CPQ: variants seen among roughly 807,000 people sequenced by gnomAD.
The protein encoded by CPQ is Ser-Met dipeptidase.
In CPQ, 37 loss-of-function variants were observed where a neutral mutation model predicts 45.7. That is an observed-to-expected ratio of 0.81 (90% confidence interval 0.62 to 1.07). CPQ has a LOEUF of 1.07. Among genes scored for constraint, CPQ ranks in the 50% least tolerant of loss-of-function variants. The probability of loss-of-function intolerance (pLI) is 0.00; values close to 1 mark genes in which losing one functional copy is unlikely to be tolerated. For missense variants in CPQ, 537 were observed against 572.9 expected, an observed-to-expected ratio of 0.94 and a Z score of 0.64; for synonymous variants, 186 against 205.8, an observed-to-expected ratio of 0.90 and a Z score of 0.82.
intron 1 of CPQ, among the ~76,000 whole-genome samples, chr8:96,768,763 A>G (rs1180565289): frequency 6.6e-6 from 1 of 152,204 alleles, no homozygotes; most frequent in Non-Finnish European, 1.5e-5. Flanking sequence ...TGTAACAAGA[A>G]CTGTATTTGC....
chr8:96,757,290 G>T (rs1586388659), intron 1 of CPQ, among the ~76,000 whole-genome samples: 1 of 151,442 alleles, frequency 6.6e-6, no homozygotes, highest in African/African-American at 2.4e-5. Flanking sequence ...GGCAGAGGTT[G>T]CAGTGAGCCG....
intron 7 of CPQ, 143 bp downstream of exon 7, chr8:97,066,353 G>T: frequency 1.4e-6 from 1 of 705,776 alleles, no homozygotes; most frequent in Non-Finnish European, 2.3e-6. Flanking sequence ...ATAATCTGAT[G>T]ATTTCTAAAA....
rs1175704427 is a variant in CPQ at position 96,908,156 on chromosome 8, G to GGA, written c.849+28160_849+28161dup. Among the ~76,000 whole-genome samples the GGA allele has an allele frequency of 4.0e-5, 6 of 151,204 alleles. No individual in the cohort carries two copies. The Middle Eastern group carries it at 0.014, about 343-fold the overall frequency. ...TGTGTGTGTGTGTCTGTGTGTGTGA[G>GGA]GAGAGAGAGACGAGAGAGAGAGGAG... On this transcript the variant is annotated intron_variant, in intron 4 of 7. Coordinates refer to ENST00000220763, the MANE Select transcript of CPQ (RefSeq NM_016134.4).
At chr8:97,114,500 A>G (rs1009721668) in intron 7 of CPQ, among the ~76,000 whole-genome samples, 4 of 152,130 alleles carry the variant, frequency 2.6e-5, no homozygotes, top group African/African-American at 9.7e-5. Flanking sequence ...GGTGTTCAGT[A>G]TTTTTTTATT....
At chr8:97,004,336 C>T (rs1018827149) in intron 5 of CPQ, among the ~76,000 whole-genome samples, 5 of 147,236 alleles carry the variant, frequency 3.4e-5, no homozygotes, top group African/African-American at 1.2e-4. Context: ...TAATTCAATT[C>T]AAAACACTGA....
At chr8:96,870,201 A>T (rs894625249) in intron 3 of CPQ, among the ~76,000 whole-genome samples, 1 of 152,002 alleles carries the variant, frequency 6.6e-6, no homozygotes, top group African/African-American at 2.4e-5. Context: ...GAATATAAAG[A>T]TTAAAAGGTG....
At chr8:96,723,524 T>C (rs1460353862) in intron 1 of CPQ, among the ~76,000 whole-genome samples, 2 of 152,202 alleles carry the variant, frequency 1.3e-5, no homozygotes, top group African/African-American at 2.4e-5. Flanking sequence ...CTATTGTGTC[T>C]GAAGAAGGCT....
chr8:97,039,368 C>T (rs1283342962), intron 6 of CPQ, among the ~76,000 whole-genome samples: 1 of 152,038 alleles, frequency 6.6e-6, no homozygotes, highest in Non-Finnish European at 1.5e-5. Flanking sequence ...TGTTTAACCA[C>T]ATCCTAGTTT....
At chr8:96,679,747 A>T (rs1027421462) in intron 1 of CPQ, among the ~76,000 whole-genome samples, 1 of 148,308 alleles carries the variant, frequency 6.7e-6, no homozygotes, top group African/African-American at 2.5e-5. Flanking sequence ...TTTCTGTGGT[A>T]CCAGTTGCAA....
At chr8:96,667,590 C>A (rs1808943422) in intron 1 of CPQ, among the ~76,000 whole-genome samples, 2 of 152,154 alleles carry the variant, frequency 1.3e-5, no homozygotes, top group Admixed American at 6.5e-5. Flanking sequence ...ACCTCGTGAT[C>A]TGCCCGCCTC....
chr8:96,807,620 A>G (rs1282200797), intron 2 of CPQ, among the ~76,000 whole-genome samples: 2 of 152,202 alleles, frequency 1.3e-5, no homozygotes, highest in East Asian at 1.9e-4. Context: ...TTACACCTGC[A>G]TGGTAAATGC....
At chr8:96,758,891 C>T (rs575238709) in intron 1 of CPQ, among the ~76,000 whole-genome samples, 1 of 152,250 alleles carries the variant, frequency 6.6e-6, no homozygotes, top group South Asian at 2.1e-4. Flanking sequence ...AGCCAAGTCT[C>T]ACTCTTTATA....
intron 1 of CPQ, among the ~76,000 whole-genome samples, chr8:96,767,178 G>C (rs982076552): frequency 6.6e-6 from 1 of 152,116 alleles, no homozygotes; most frequent in Non-Finnish European, 1.5e-5. Context: ...TCTCTGGAGG[G>C]AAATCAAACG....
intron 5 of CPQ, among the ~76,000 whole-genome samples, chr8:96,993,275 G>A (rs1444597827): frequency 1.3e-5 from 2 of 152,290 alleles, no homozygotes; most frequent in East Asian, 3.9e-4. Context: ...GAGCTGAACA[G>A]AAGCTAATAG....
chr8:97,001,173 C>G (rs1255538506), intron 5 of CPQ, among the ~76,000 whole-genome samples: 1 of 151,964 alleles, frequency 6.6e-6, no homozygotes, highest in Non-Finnish European at 1.5e-5. Flanking sequence ...TATAGGATCA[C>G]GTTATCTGCA....
At chr8:97,108,649 C>T (rs181302351) in intron 7 of CPQ, among the ~76,000 whole-genome samples, 19 of 152,148 alleles carry the variant, frequency 1.2e-4, no homozygotes, top group Admixed American at 7.9e-4. Context: ...AGGAAGTCAC[C>T]GGGGAGGGGA....
At chr8:97,123,139 AAAATAAAAT>A (rs1324407708) in intron 7 of CPQ, among the ~76,000 whole-genome samples, 1 of 106,758 alleles carries the variant, frequency 9.4e-6, no homozygotes, top group Non-Finnish European at 1.8e-5. Flanking sequence ...AAAATAAAAT[AAAATAAAAT>A]AAATAAAATA....
intron 1 of CPQ, among the ~76,000 whole-genome samples, chr8:96,740,260 G>C (rs1810066095): frequency 6.6e-6 from 1 of 152,096 alleles, no homozygotes; most frequent in Non-Finnish European, 1.5e-5. Context: ...TTGGCTCTCT[G>C]TTTGTCTGTT....
At chr8:96,768,945 T>C (rs1277433444) in intron 1 of CPQ, among the ~76,000 whole-genome samples, 1 of 152,200 alleles carries the variant, frequency 6.6e-6, no homozygotes, top group African/African-American at 2.4e-5. Flanking sequence ...GGGGAAAACA[T>C]GCTGTTTAGC....
Sources: gnomAD v4.1 joint callset for allele counts (sites outside exome capture counted in the v4.1 genomes callset) on GRCh38, gnomAD v4.1.1 for gene constraint, MANE v1.5 for transcripts, NCBI Gene and HGNC (gene_info 2026-07-23, HGNC 2026-07-21) for gene names.